The following QSER1 variants were observed in gnomAD, a reference collection of about 807,000 sequenced individuals.
The protein encoded by QSER1 is glutamine and serine-rich protein 1.
Under a neutral mutation model 158.5 loss-of-function variants are expected in QSER1, and 49 were observed. The observed-to-expected ratio is 0.31, with a 90% CI of 0.25 to 0.39. QSER1 has a LOEUF of 0.39. Ranked by LOEUF, QSER1 falls within the 10% of genes least tolerant of loss-of-function variation. The probability of loss-of-function intolerance (pLI) is 1.00; values close to 1 mark genes in which losing one functional copy is unlikely to be tolerated. For missense variants in QSER1, 1,754 were observed against 2,010.3 expected, an observed-to-expected ratio of 0.87 and a Z score of 2.44; for synonymous variants, 650 against 715.5, an observed-to-expected ratio of 0.91 and a Z score of 1.46.
chr11:32,966,805 T>C (rs1012968131), intron 9 of QSER1, among the ~76,000 whole-genome samples: 173 of 152,336 alleles, frequency 1.1e-3, no homozygotes, highest in African/African-American at 3.9e-3. Flanking sequence ...GGCATAAAGA[T>C]TAAAATCATA....
rs1196291182 is a variant in QSER1 at position 32,953,898 on chromosome 11, A to G, written c.4219A>G (p.Thr1407Ala). 2 of 1,614,040 alleles carry G rather than the reference A, an allele frequency of 1.2e-6. No individual in the cohort carries two copies. Among genetic ancestry groups the G allele is most frequent in the Admixed American group, 1.7e-5 (1 of 60,006 alleles). The change falls in exon 5 of 13, where the codon ACT becomes GCT. Residue 1407 changes from threonine (T) to alanine (A), a missense_variant. Around this residue, in one of 2 missense-constraint regions of QSER1, gnomAD observed 1,707 missense variants for 1,919.6 expected, o/e 0.89. Coordinates refer to ENST00000650167, the MANE Select transcript of QSER1 (RefSeq NM_001076786.3). ...VATTSPTANT[T>A]GTATTSSTTV... ...AACTACTAGCCCAACTGCCAATACT[A>G]CTGGTACTGCTACTACTTCCTCAAC...
rs1182489014 is a variant in QSER1, at chr11:32,979,306, TATTTTTAAGAAAG to T, written c.*2836_*2848del. 6.6e-6 allele frequency: 1 copy of T among 152,652 alleles called. No individual in the cohort carries two copies. Among genetic ancestry groups the T allele is most frequent in the Non-Finnish European group, 1.5e-5 (1 of 68,044 alleles). The allele number at this position is 152,652 out of a possible 1,614,324, so 9.5% of individuals were successfully genotyped here. ...CACATGTTGCCACAACCCAGGAAAG[TATTTTTAAGAAAG>T]ATTGGATTTTCCTACCTTTAGAGAT... On this transcript the variant is annotated 3_prime_UTR_variant, in exon 13 of 13. Transcript: ENST00000650167.
At position 32,934,271 on chromosome 11, in the gene QSER1, G is replaced by A; in HGVS notation, c.3013G>A (p.Glu1005Lys). 6.2e-7 allele frequency: 1 copy of A among 1,614,026 alleles called. No individual in the cohort carries two copies. Reference protein sequence around the residue: ...PTDFSKSTSNETMQAVEDGDS... With the variant: ...PTDFSKSTSNKTMQAVEDGDS... ...TGATTTTTCCAAGTCAACTTCAAAT[G>A]AAACCATGCAGGCTGTTGAAGATGG... Residue 1005 changes from glutamate to lysine, a missense_variant, in exon 4 of 13, where the codon GAA (glutamate) becomes AAA (lysine). Physicochemically the swap from Glu to Lys is moderately conservative, Grantham distance 56. Around this residue, in one of 2 missense-constraint regions of QSER1, gnomAD observed 1,707 missense variants for 1,919.6 expected, o/e 0.89. Transcript: ENST00000650167.
At chr11:32,938,649 GC>G (rs1401630209) in intron 4 of QSER1, among the ~76,000 whole-genome samples, 2 of 152,136 alleles carry the variant, frequency 1.3e-5, no homozygotes, top group Admixed American at 1.3e-4. Context: ...GCCATTCTGA[GC>G]ATATGAAGAT....
intron 1 of QSER1, among the ~76,000 whole-genome samples, chr11:32,906,840 C>T (rs1851701284): frequency 1.3e-5 from 2 of 152,164 alleles, no homozygotes; most frequent in Admixed American, 6.5e-5. Context: ...TCATGCATAT[C>T]CCTACATTCT....
chr11:32,898,511 C>G (rs938721307), intron 1 of QSER1, among the ~76,000 whole-genome samples: 1 of 151,784 alleles, frequency 6.6e-6, no homozygotes, highest in Non-Finnish European at 1.5e-5. Context: ...CACACACACA[C>G]ACACACACAC....
intron 1 of QSER1, among the ~76,000 whole-genome samples, chr11:32,906,141 G>A (rs1851690155): frequency 6.7e-6 from 1 of 148,760 alleles, no homozygotes; most frequent in South Asian, 2.1e-4. Context: ...AAAAAATTTG[G>A]GCTGGGCATG....
chr11:32,936,105 T>C (rs1422211565), intron 4 of QSER1, among the ~76,000 whole-genome samples: 1 of 152,134 alleles, frequency 6.6e-6, no homozygotes, highest in East Asian at 1.9e-4. Flanking sequence ...TAGTTACATA[T>C]GTATACATGT....
At position 32,934,900 on chromosome 11, in the gene QSER1, A is replaced by G. The variant is rs780001991; in HGVS notation, c.3642A>G (p.Glu1214=). The G allele has an allele frequency of 6.2e-7, 1 of 1,613,874 alleles. No individual in the cohort carries two copies. The highest frequency in any genetic ancestry group is 1.1e-5 in the South Asian group (1 of 91,050). The part of the protein sequence containing the change: ...RAKGKGQVKE[E]DNSNQKQLKR... ...AAGGAAAAGGGCAAGTTAAAGAGGAAGACAACAGTAATCAGAAACAGCTGA... is the reference window on the plus strand; with the variant it reads ...AAGGAAAAGGGCAAGTTAAAGAGGAGGACAACAGTAATCAGAAACAGCTGA... The change falls in exon 4 of 13, where the codon GAA becomes GAG. Residue 1214 remains glutamate (E), a synonymous_variant. Coordinates refer to ENST00000650167, the MANE Select transcript of QSER1 (RefSeq NM_001076786.3).
intron 10 of QSER1, among the ~76,000 whole-genome samples, chr11:32,971,887 C>G (rs1176475385): frequency 1.3e-5 from 2 of 151,992 alleles, no homozygotes; most frequent in South Asian, 4.2e-4. Context: ...CACAGAGAAA[C>G]CCCATCTCTA....
intron 1 of QSER1, among the ~76,000 whole-genome samples, chr11:32,906,999 T>C (rs1045084138): frequency 1.3e-5 from 2 of 152,208 alleles, no homozygotes; most frequent in Non-Finnish European, 2.9e-5. Flanking sequence ...CCTATACATA[T>C]TTCATTGGTT....
chr11:32,955,198 G>A (rs1852490405), intron 5 of QSER1, 98 bp from the exon 6 acceptor site: 2 of 655,618 alleles, frequency 3.1e-6, no homozygotes, highest in South Asian at 1.9e-5. Context: ...AAAAGGTTGA[G>A]CTAGGGTAGG....
chr11:32,971,713 T>A (rs1564949367), intron 10 of QSER1, among the ~76,000 whole-genome samples: 1 of 152,140 alleles, frequency 6.6e-6, no homozygotes, highest in Non-Finnish European at 1.5e-5. Context: ...TCAAATGAAA[T>A]TTAGTGCCCT....
rs1852060001 is a variant in QSER1 at position 32,932,276 on chromosome 11, T to G, written c.1018T>G (p.Ser340Ala). 1 of 1,614,010 alleles carries G rather than the reference T, an allele frequency of 6.2e-7. No homozygotes were observed. The highest frequency in any genetic ancestry group is 8.5e-7 in the Non-Finnish European group (1 of 1,180,020). Residue 340 changes from serine to alanine, a missense_variant, in exon 4 of 13, where the codon TCC (serine) becomes GCC (alanine). Transcript: ENST00000650167. ...GGCACAACTGACTGGTTCACAGCAC[T>G]CCTTACATAGTTATCTATCAAATTC... Reference protein sequence around the residue: ...IQAQLTGSQHSLHSYLSNSSV... With the variant: ...IQAQLTGSQHALHSYLSNSSV...
chr11:32,961,818 G>A (rs946885752), intron 8 of QSER1, among the ~76,000 whole-genome samples: 5 of 152,106 alleles, frequency 3.3e-5, no homozygotes, highest in African/African-American at 1.2e-4. Context: ...CCATGTAAAA[G>A]CATATATCAT....
intron 4 of QSER1, among the ~76,000 whole-genome samples, chr11:32,939,062 T>A (rs1852193567): frequency 6.6e-6 from 1 of 152,178 alleles, no homozygotes; most frequent in African/African-American, 2.4e-5. Context: ...ATAAAACTAG[T>A]TTTTGCACTA....
chr11:32,968,160 AACTT>A (rs1249217395), intron 9 of QSER1, among the ~76,000 whole-genome samples: 1 of 152,186 alleles, frequency 6.6e-6, no homozygotes, highest in Non-Finnish European at 1.5e-5. Flanking sequence ...AAATGTTTAA[AACTT>A]ACTTTTGTAG....
At chr11:32,897,474 A>G (rs1429209687) in intron 1 of QSER1, among the ~76,000 whole-genome samples, 1 of 152,188 alleles carries the variant, frequency 6.6e-6, no homozygotes, top group Non-Finnish European at 1.5e-5. Flanking sequence ...TAGTTGAAAT[A>G]CATTCCTTTT....
chr11:32,925,442 A>G (rs370881642), intron 1 of QSER1, among the ~76,000 whole-genome samples: 4 of 152,192 alleles, frequency 2.6e-5, no homozygotes, highest in African/African-American at 7.2e-5. Flanking sequence ...AAGACTGAAA[A>G]GATCAAGTAT....
Sources: gnomAD v4.1 joint callset for allele counts (sites outside exome capture counted in the v4.1 genomes callset) on GRCh38, gnomAD v4.1.1 for gene constraint, gnomAD v4.1.1 regional missense constraint, MANE v1.5 for transcripts, NCBI Gene and HGNC (gene_info 2026-07-23, HGNC 2026-07-21) for gene names.